Variants in LRRC36 observed in about 807,000 individuals in gnomAD.
The protein encoded by LRRC36 is leucine-rich repeat-containing protein 36.
In LRRC36, 62 loss-of-function variants were observed where a neutral mutation model predicts 81.1. The observed-to-expected ratio is 0.76, with a 90% CI of 0.62 to 0.94. The LOEUF is 0.94. Ranked by LOEUF, LRRC36 falls within the 40% of genes least tolerant of loss-of-function variation. The probability of loss-of-function intolerance (pLI) is 0.00; values close to 1 mark genes in which losing one functional copy is unlikely to be tolerated. For synonymous variants in LRRC36, 334 were observed against 348.6 expected (o/e 0.96, Z 0.47); for missense variants, 761 against 881.7 (o/e 0.86, Z 1.73).
chr16:67,331,060 TGAGAGAGAAAGAGA>T (rs1321338918), intron 1 of LRRC36, among the ~76,000 whole-genome samples: 3 of 108,090 alleles, frequency 2.8e-5, no homozygotes, highest in African/African-American at 1.1e-4. Flanking sequence ...GTGTGAGATG[TGAGAGAGAAAGAGA>T]GAGAGAGAGA....
chr16:67,341,551 A>G (rs749177846), intron 1 of LRRC36, among the ~76,000 whole-genome samples: 111 of 151,706 alleles, frequency 7.3e-4, no homozygotes, highest in Non-Finnish European at 8.2e-4. Context: ...ACAGTTTTCT[A>G]TTTCTTTCTT....
chr16:67,370,077 C>A (rs1487781158), intron 8 of LRRC36, among the ~76,000 whole-genome samples: 1 of 152,042 alleles, frequency 6.6e-6, no homozygotes, highest in East Asian at 1.9e-4. Context: ...AAAATGGAAT[C>A]CAGTCCACCA....
At chr16:67,348,703 GT>G (rs1172447203) in intron 4 of LRRC36, 3 of 152,214 alleles carry the variant, frequency 2.0e-5, no homozygotes, top group African/African-American at 7.2e-5. Flanking sequence ...TAAGTCTTTT[GT>G]TTGTTTATTG....
chr16:67,347,261 T>C (rs1051998151), intron 3 of LRRC36: 1 of 547,590 alleles, frequency 1.8e-6, no homozygotes, highest in Non-Finnish European at 3.0e-6. Flanking sequence ...AAGCTCTGCT[T>C]TCCTGAAGGG....
chr16:67,384,344 G>A (rs1261623446), intron 13 of LRRC36, among the ~76,000 whole-genome samples: 1 of 152,188 alleles, frequency 6.6e-6, no homozygotes, highest in African/African-American at 2.4e-5. Flanking sequence ...TGAGGCAGGA[G>A]AATTGCTTGA....
chr16:67,349,380 C>G (rs2038509504), intron 4 of LRRC36, among the ~76,000 whole-genome samples: 1 of 151,838 alleles, frequency 6.6e-6, no homozygotes, highest in African/African-American at 2.4e-5. Context: ...CAGTAGGGGG[C>G]CTTTTATGAT....
At chr16:67,357,048 G>T (rs1345973123) in intron 5 of LRRC36, among the ~76,000 whole-genome samples, 1 of 152,168 alleles carries the variant, frequency 6.6e-6, no homozygotes, top group Non-Finnish European at 1.5e-5. Flanking sequence ...TTAGTTAGTG[G>T]GAGGTAATGA....
At chr16:67,334,578 A>C (rs1435422093) in intron 1 of LRRC36, among the ~76,000 whole-genome samples, 1 of 139,514 alleles carries the variant, frequency 7.2e-6, no homozygotes, top group Non-Finnish European at 1.6e-5. Context: ...GCCTGCCCCA[A>C]CCTCCCAAAG....
intron 13 of LRRC36, among the ~76,000 whole-genome samples, chr16:67,383,623 T>C (rs895439170): frequency 6.6e-6 from 1 of 152,258 alleles, no homozygotes; most frequent in Non-Finnish European, 1.5e-5. Context: ...TACTCTCTTT[T>C]AAATTAACCA....
chr16:67,328,470 G>A (rs1205627019), intron 1 of LRRC36, among the ~76,000 whole-genome samples: 1 of 151,978 alleles, frequency 6.6e-6, no homozygotes, highest in Admixed American at 6.6e-5. Flanking sequence ...CCGAGATCGC[G>A]CCACTGCACT....
At position 67,350,199 on chromosome 16, in the gene LRRC36, C is replaced by A; in HGVS notation, c.489-3C>A. 1.3e-6 allele frequency: 2 copies of A among 1,574,996 alleles called. No individual in the cohort carries two copies. Among genetic ancestry groups the A allele is most frequent in the Non-Finnish European group, 8.6e-7 (1 of 1,160,694 alleles). ...GTTGTAAATAAATTATTCTATGTGG[C>A]AGCTCTAGGGAGAAGACAATGAAAA... On this transcript the variant is annotated splice_region_variant and splice_polypyrimidine_tract_variant and intron_variant, in intron 4 of 13. Transcript: ENST00000329956.
chr16:67,368,585 T>C (rs1274811663), intron 8 of LRRC36, among the ~76,000 whole-genome samples: 1 of 152,174 alleles, frequency 6.6e-6, no homozygotes. Flanking sequence ...AGTGTATAGA[T>C]GAAGTAAGAA....
intron 1 of LRRC36, 61 bp from the exon 2 acceptor site, chr16:67,341,896 A>G: frequency 6.9e-7 from 1 of 1,449,018 alleles, no homozygotes; most frequent in Admixed American, 2.0e-5. Context: ...GCCTACTTTC[A>G]CTGACTCTGC....
intron 13 of LRRC36, among the ~76,000 whole-genome samples, chr16:67,383,455 T>A (rs34845769): frequency 0.24 from 36,933 of 152,154 alleles, 5,648 homozygotes; most frequent in Middle Eastern, 0.35. Context: ...AAATGCAGAT[T>A]GCTGGGCCTC....
intron 13 of LRRC36, among the ~76,000 whole-genome samples, 175 bp from the exon 14 acceptor site, chr16:67,384,695 T>C (rs16957407): frequency 0.089 from 13,494 of 152,224 alleles, 986 homozygotes; most frequent in African/African-American, 0.21. Context: ...CAAACAGAAT[T>C]GTAATGAAGA....
intron 1 of LRRC36, among the ~76,000 whole-genome samples, chr16:67,332,849 C>G (rs1326331276): frequency 6.6e-6 from 1 of 151,736 alleles, no homozygotes; most frequent in Non-Finnish European, 1.5e-5. Context: ...CAATACACTG[C>G]CCTCAAAGTC....
intron 9 of LRRC36, among the ~76,000 whole-genome samples, chr16:67,373,705 C>G (rs2039758994): frequency 1.3e-5 from 1 of 79,672 alleles, no homozygotes; most frequent in South Asian, 4.2e-4. Flanking sequence ...AAGACTCTGT[C>G]TCAAAAAAAA....
chr16:67,350,277 C>T lies in LRRC36; in HGVS notation c.564C>T (p.Ser188=), dbSNP rs759965913. The change falls in exon 5 of 14, where the codon AGC becomes AGT. Residue 188 remains serine (S), a synonymous_variant. Coordinates refer to ENST00000329956, the MANE Select transcript of LRRC36 (RefSeq NM_018296.6). Reference sequence around the variant, plus strand: ...CAAAAGTCAGTGCTAATGTTGACAGCAGGATTGAAATGGGTAAGTTTTCTC... The same window carrying T: ...CAAAAGTCAGTGCTAATGTTGACAGTAGGATTGAAATGGGTAAGTTTTCTC... ...SASKVSANVD[S]RIEMDSNKGL... is the part of the protein sequence containing the mutation. 1.2e-6 allele frequency: 2 copies of T among 1,611,822 alleles called. No individual in the cohort carries two copies. Among genetic ancestry groups the T allele is most frequent in the South Asian group, 2.2e-5 (2 of 90,746 alleles).
chr16:67,382,030 A>C, intron 12 of LRRC36, 103 bp from the exon 13 acceptor site: 4 of 735,294 alleles, frequency 5.4e-6, no homozygotes, highest in Non-Finnish European at 2.4e-6. Context: ...GTTGGGTGCC[A>C]TGGGGCCCCC....
Sources: gnomAD v4.1 joint callset for allele counts (sites outside exome capture counted in the v4.1 genomes callset) on GRCh38, gnomAD v4.1.1 for gene constraint, MANE v1.5 for transcripts, NCBI Gene and HGNC (gene_info 2026-07-23, HGNC 2026-07-21) for gene names.